PTPRT: variants seen among roughly 807,000 people sequenced by gnomAD.
PTPRT encodes the protein receptor-type tyrosine-protein phosphatase T.
PTPRT carries 56 observed loss-of-function variants against 176.8 expected under a neutral mutation model. The ratio of observed to expected loss-of-function variants is 0.32; its 90% confidence interval spans 0.26 to 0.40. The LOEUF (loss-of-function observed/expected upper bound fraction) is 0.40, where lower values mean the gene tolerates loss of function less well. Ranked by LOEUF, PTPRT falls within the 10% of genes least tolerant of loss-of-function variation. The pLI, the probability that PTPRT is intolerant of heterozygous loss-of-function variation, is 1.00. For missense variants in PTPRT, 1,540 were observed against 1,908.2 expected, an observed-to-expected ratio of 0.81 and a Z score of 3.60; for synonymous variants, 783 against 739.0, an observed-to-expected ratio of 1.06 and a Z score of -0.96.
intron 13 of PTPRT, among the ~76,000 whole-genome samples, chr20:42,267,062 G>A (rs1368925852): frequency 6.6e-6 from 1 of 152,150 alleles, no homozygotes; most frequent in Non-Finnish European, 1.5e-5. Context: ...CCTAAGATAG[G>A]TGGGCTTAAG....
intron 27 of PTPRT, among the ~76,000 whole-genome samples, chr20:42,091,106 C>T (rs1186581769): frequency 6.6e-6 from 1 of 152,156 alleles, no homozygotes. Flanking sequence ...AATCATGCTT[C>T]TTCCAAAAAA....
chr20:43,027,430 C>T (rs112334156), intron 1 of PTPRT, among the ~76,000 whole-genome samples: 5 of 149,830 alleles, frequency 3.3e-5, no homozygotes, highest in Admixed American at 6.7e-5. Context: ...GAGCCAAGAT[C>T]GTGCCACTAC....
intron 7 of PTPRT, among the ~76,000 whole-genome samples, chr20:42,633,980 ATATATTATAT>A (rs2074498552): frequency 3.0e-5 from 1 of 33,396 alleles, no homozygotes; most frequent in South Asian, 6.5e-4. Flanking sequence ...ATAATATATT[ATATATTATAT>A]TATATATATT....
intron 7 of PTPRT, among the ~76,000 whole-genome samples, chr20:42,614,674 AC>A (rs1555886905): frequency 2.0e-5 from 3 of 152,090 alleles, no homozygotes; most frequent in Non-Finnish European, 4.4e-5. Context: ...TGTTCTGACC[AC>A]CCTGCAATGA....
At chr20:42,593,154 G>T (rs1276710570) in intron 7 of PTPRT, among the ~76,000 whole-genome samples, 1 of 152,112 alleles carries the variant, frequency 6.6e-6, no homozygotes, top group Admixed American at 6.5e-5. Flanking sequence ...CTCAACACCG[G>T]CACAGTAATC....
At chr20:42,520,994 GTCTA>G (rs145346503) in intron 7 of PTPRT, among the ~76,000 whole-genome samples, 1,883 of 151,496 alleles carry the variant, frequency 0.012, 32 homozygotes, top group African/African-American at 0.041. Context: ...CTGTCTGTCT[GTCTA>G]TCTATCTATC....
At chr20:42,276,553 ATAT>A in intron 13 of PTPRT, among the ~76,000 whole-genome samples, 1 of 77,388 alleles carries the variant, frequency 1.3e-5, no homozygotes, top group African/African-American at 5.0e-5. Context: ...ATATATATAT[ATAT>A]ATAATGTTCT....
chr20:42,188,821 A>G (rs1990881917), intron 16 of PTPRT, among the ~76,000 whole-genome samples: 2 of 152,204 alleles, frequency 1.3e-5, no homozygotes, highest in African/African-American at 2.4e-5. Context: ...TAAATTGTCA[A>G]AAAGCAACTT....
At chr20:42,624,026 A>C (rs1056510770) in intron 7 of PTPRT, among the ~76,000 whole-genome samples, 1 of 143,934 alleles carries the variant, frequency 6.9e-6, no homozygotes, top group Non-Finnish European at 1.5e-5. Context: ...CAAACAAACA[A>C]AAAAAAAAAA....
At chr20:42,594,037 C>A (rs1245144944) in intron 7 of PTPRT, among the ~76,000 whole-genome samples, 1 of 151,948 alleles carries the variant, frequency 6.6e-6, no homozygotes, top group African/African-American at 2.4e-5. Context: ...CCAGAGAGTA[C>A]CGGAGGAGAA....
chr20:43,019,332 G>A (rs567319826), intron 1 of PTPRT, among the ~76,000 whole-genome samples: 1 of 152,162 alleles, frequency 6.6e-6, no homozygotes, highest in Non-Finnish European at 1.5e-5. Flanking sequence ...TAGAATAATT[G>A]GGCTGTGGCC....
chr20:42,290,979 C>G (rs778112559), intron 12 of PTPRT, among the ~76,000 whole-genome samples: 2 of 152,126 alleles, frequency 1.3e-5, no homozygotes, highest in Non-Finnish European at 2.9e-5. Context: ...TTAGACTCCT[C>G]ATTTAATAGG....
chr20:42,609,487 C>A (rs1308237408), intron 7 of PTPRT, among the ~76,000 whole-genome samples: 2 of 152,200 alleles, frequency 1.3e-5, no homozygotes, highest in African/African-American at 2.4e-5. Flanking sequence ...CACGAGAGGA[C>A]ACTTGTTATG....
chr20:42,848,204 T>C (rs1167350229), intron 2 of PTPRT, among the ~76,000 whole-genome samples: 2 of 152,240 alleles, frequency 1.3e-5, no homozygotes, highest in African/African-American at 4.8e-5. Flanking sequence ...GGCATATACA[T>C]GCCATAATTT....
At chr20:42,550,626 C>G (rs746962788) in intron 7 of PTPRT, among the ~76,000 whole-genome samples, 1 of 152,048 alleles carries the variant, frequency 6.6e-6, no homozygotes. Context: ...ACAAAGGAAC[C>G]ACTTTGGCTC....
At chr20:42,687,620 T>A (rs1252101560) in intron 6 of PTPRT, 5 of 152,154 alleles carry the variant, frequency 3.3e-5, no homozygotes, top group Admixed American at 3.3e-4. Context: ...AGAAGCTGGA[T>A]TCTAAAGCTT....
chr20:42,544,820 A>G (rs1199587009), intron 7 of PTPRT, among the ~76,000 whole-genome samples: 2 of 152,126 alleles, frequency 1.3e-5, no homozygotes, highest in Non-Finnish European at 2.9e-5. Flanking sequence ...TTATTTAAAA[A>G]CATTTTTATT....
intron 25 of PTPRT, among the ~76,000 whole-genome samples, chr20:42,102,605 G>A (rs1451949917): frequency 1.3e-5 from 2 of 152,138 alleles, no homozygotes; most frequent in Non-Finnish European, 2.9e-5. Context: ...GTTCAGCTCA[G>A]CCAGTGCTGC....
Position 42,115,211 on chromosome 20 carries a change from G to C in PTPRT, c.3087C>G (p.Phe1029Leu), listed in dbSNP as rs1399962336. ...EPLAEYVIRTFTVQKKGYHEI... is the reference protein window; with the variant it reads ...EPLAEYVIRTLTVQKKGYHEI... ...CCAAGAAGCTTACCTTCTGGACTGT[G>C]AAGGTGCGTATGACGTATTCTGCCA... The change falls in exon 22 of 31, where the codon TTC (phenylalanine) becomes TTG (leucine). Residue 1029 changes from phenylalanine (F) to leucine (L), a missense_variant. Physicochemically the swap from Phe to Leu is conservative, Grantham distance 22. This residue lies in a region of PTPRT where 248 missense variants were observed against 356.7 expected (regional missense o/e 0.70). Coordinates refer to ENST00000373187, the MANE Select transcript of PTPRT (RefSeq NM_007050.6). 1.9e-6 allele frequency: 3 copies of C among 1,613,618 alleles called. No homozygotes were observed.
Sources: allele counts gnomAD v4.1 joint callset (sites outside exome capture counted in the v4.1 genomes callset), GRCh38; gene constraint gnomAD v4.1.1; regional missense constraint gnomAD v4.1.1; transcripts MANE v1.5; gene names NCBI Gene and HGNC (gene_info 2026-07-23, HGNC 2026-07-21).